The following SNTG1 variants were observed in gnomAD, a reference collection of about 807,000 sequenced individuals.
SNTG1 encodes the protein syntrophin gamma 1.
Under a neutral mutation model 74.7 loss-of-function variants are expected in SNTG1, and 39 were observed. That is an observed-to-expected ratio of 0.52 (90% confidence interval 0.40 to 0.68). The LOEUF (loss-of-function observed/expected upper bound fraction) is 0.68. Ranked by LOEUF, SNTG1 falls within the 30% of genes least tolerant of loss-of-function variation. The probability of loss-of-function intolerance (pLI) is 0.00; values close to 1 mark genes in which losing one functional copy is unlikely to be tolerated. For missense variants in SNTG1, 685 were observed against 609.5 expected (o/e 1.12, Z -1.30); for synonymous variants, 254 against 217.1 (o/e 1.17, Z -1.49).
intron 17 of SNTG1, among the ~76,000 whole-genome samples, chr8:50,727,988 C>A (rs2095504222): frequency 6.6e-6 from 1 of 152,140 alleles, no homozygotes; most frequent in South Asian, 2.1e-4. Flanking sequence ...CACCAGAAAG[C>A]ACCGTGGCTT....
intron 2 of SNTG1, among the ~76,000 whole-genome samples, chr8:50,320,339 G>A (rs1028666926): frequency 1.1e-4 from 16 of 151,974 alleles, no homozygotes; most frequent in African/African-American, 3.4e-4. Context: ...TTGAATTTCT[G>A]CCATATCAAT....
chr8:50,523,594 A>G (rs1045785160), intron 9 of SNTG1, among the ~76,000 whole-genome samples: 12 of 152,194 alleles, frequency 7.9e-5, no homozygotes, highest in African/African-American at 2.9e-4. Context: ...GTCAGAACAC[A>G]TACAACATTT....
At chr8:50,005,955 CTTTTTTTTTTTTTT>C (rs57041850) in intron 1 of SNTG1, among the ~76,000 whole-genome samples, 5 of 89,376 alleles carry the variant, frequency 5.6e-5, no homozygotes, top group Non-Finnish European at 9.7e-5. Context: ...ATTACTTGCA[CTTTTTTTTTTTTTT>C]TTTTTTTTTT....
At chr8:50,354,366 A>T (rs1426839496) in intron 2 of SNTG1, among the ~76,000 whole-genome samples, 1 of 152,162 alleles carries the variant, frequency 6.6e-6, no homozygotes, top group Non-Finnish European at 1.5e-5. Flanking sequence ...CAACATCATC[A>T]CATAGAGTTG....
intron 18 of SNTG1, among the ~76,000 whole-genome samples, chr8:50,785,438 G>C (rs546481737): frequency 6.6e-6 from 1 of 152,022 alleles, no homozygotes; most frequent in African/African-American, 2.4e-5. Flanking sequence ...TGTAAACTCT[G>C]AGAACAACAC....
At chr8:50,530,363 G>T in intron 10 of SNTG1, 104 bp downstream of exon 10, 2 of 1,082,434 alleles carry the variant, frequency 1.8e-6, no homozygotes, top group Non-Finnish European at 1.4e-6. Context: ...ATCCCTGGTT[G>T]CATAATCATT....
intron 2 of SNTG1, among the ~76,000 whole-genome samples, chr8:50,266,684 G>GTGTGTGTA (rs371676511): frequency 2.1e-4 from 29 of 136,804 alleles, no homozygotes; most frequent in Admixed American, 5.1e-4. Flanking sequence ...GTGTGTGTGT[G>GTGTGTGTA]TATATATATA....
At chr8:50,052,780 G>T (rs1819686812) in intron 1 of SNTG1, among the ~76,000 whole-genome samples, 1 of 152,036 alleles carries the variant, frequency 6.6e-6, no homozygotes, top group African/African-American at 2.4e-5. Context: ...TCCAAAAGAA[G>T]AAACACATAT....
intron 2 of SNTG1, among the ~76,000 whole-genome samples, chr8:50,238,922 C>A (rs1423655499): frequency 6.6e-6 from 1 of 152,000 alleles, no homozygotes; most frequent in Non-Finnish European, 1.5e-5. Flanking sequence ...TAGAAAAATG[C>A]AAATCAAAAC....
intron 1 of SNTG1, among the ~76,000 whole-genome samples, chr8:49,939,604 C>A (rs1369023944): frequency 6.6e-6 from 1 of 152,198 alleles, no homozygotes; most frequent in Non-Finnish European, 1.5e-5. Context: ...GCCTGGCCTG[C>A]TTATTTTGTA....
At chr8:50,747,658 A>G (rs1460542950) in intron 17 of SNTG1, 1 of 151,944 alleles carries the variant, frequency 6.6e-6, no homozygotes, top group Non-Finnish European at 1.5e-5. Flanking sequence ...TTGTTTTAGT[A>G]TTAATCTGTT....
intron 8 of SNTG1, among the ~76,000 whole-genome samples, chr8:50,479,678 A>T (rs1245893834): frequency 6.6e-6 from 1 of 152,040 alleles, no homozygotes; most frequent in Non-Finnish European, 1.5e-5. Context: ...CCTTTGGTCT[A>T]GCACAGGGTG....
At chr8:50,671,710 C>T (rs2095283804) in intron 15 of SNTG1, among the ~76,000 whole-genome samples, 1 of 151,384 alleles carries the variant, frequency 6.6e-6, no homozygotes. Context: ...ACCCAAAGGA[C>T]TATAAATCAT....
chr8:50,334,366 G>A (rs1050337520), intron 2 of SNTG1, among the ~76,000 whole-genome samples: 1 of 152,130 alleles, frequency 6.6e-6, no homozygotes, highest in African/African-American at 2.4e-5. Flanking sequence ...ACTTTGTGGT[G>A]ATTTGTTATG....
At position 49,912,230 on chromosome 8, in the gene SNTG1, A is replaced by C. The variant is rs147540648; in HGVS notation, c.-104A>C. ...AAGACATCTAATTTCATTGCTCGGC[A>C]GGTAAGTGATAGCGCTATTATTTTT... On this transcript the variant is annotated splice_region_variant and 5_prime_UTR_variant, in exon 1 of 19. Coordinates refer to ENST00000642720, the MANE Select transcript of SNTG1 (RefSeq NM_018967.5). 1.3e-5 allele frequency: 2 copies of C among 152,372 alleles called. No homozygotes were observed. Among genetic ancestry groups the C allele is most frequent in the East Asian group, 3.9e-4 (2 of 5,184 alleles). The allele number at this position is 152,372 out of a possible 1,614,324, so 9.4% of individuals were successfully genotyped here. A position where few individuals can be genotyped will look rare whatever the true frequency, so the allele number is the denominator to read the frequency against.
chr8:50,311,848 T>C (rs1772990943), intron 2 of SNTG1, among the ~76,000 whole-genome samples: 1 of 152,214 alleles, frequency 6.6e-6, no homozygotes, highest in Admixed American at 6.5e-5. Flanking sequence ...AATATTCAAT[T>C]AAGTTGCCAG....
intron 15 of SNTG1, among the ~76,000 whole-genome samples, chr8:50,671,667 C>T (rs2095283478): frequency 1.3e-5 from 2 of 151,916 alleles, no homozygotes; most frequent in South Asian, 4.2e-4. Flanking sequence ...CTAGAAATGC[C>T]ATTTGACCCA....
chr8:50,091,082 C>CA (rs1469068871), intron 1 of SNTG1, among the ~76,000 whole-genome samples: 1 of 151,946 alleles, frequency 6.6e-6, no homozygotes, highest in Non-Finnish European at 1.5e-5. Flanking sequence ...AACATAGTGG[C>CA]ATAGATAATT....
intron 5 of SNTG1, among the ~76,000 whole-genome samples, chr8:50,445,987 A>G (rs7815358): frequency 0.086 from 13,026 of 152,206 alleles, 1,736 homozygotes; most frequent in African/African-American, 0.28. Context: ...CCAGGTTAGG[A>G]GGGAAGGAGG....
Sources: gnomAD v4.1 joint callset for allele counts (sites outside exome capture counted in the v4.1 genomes callset) on GRCh38, gnomAD v4.1.1 for gene constraint, MANE v1.5 for transcripts, NCBI Gene and HGNC (gene_info 2026-07-23, HGNC 2026-07-21) for gene names.